GLIPR2: variants seen among roughly 807,000 people sequenced by gnomAD.
The protein encoded by GLIPR2 is GLI pathogenesis related 2.
A neutral mutation model predicts 20.4 loss-of-function variants in GLIPR2; 21 were observed. That is an observed-to-expected ratio of 1.03 (90% CI 0.73 to 1.48). The LOEUF is 1.48. Among genes scored for constraint, GLIPR2 ranks in the 40% most tolerant of loss-of-function variants. The pLI is 0.00. For synonymous variants in GLIPR2, 91 were observed against 80.5 expected (o/e 1.13, Z -0.70); for missense variants, 205 against 200.1 (o/e 1.02, Z -0.15).
intron 1 of GLIPR2, among the ~76,000 whole-genome samples, chr9:36,137,197 G>T (rs947340392): frequency 1.3e-5 from 2 of 152,136 alleles, no homozygotes; most frequent in Admixed American, 1.3e-4. Context: ...TCATCCATTT[G>T]TTGTTCCTTC....
chr9:36,158,060 ACCT>A (rs1239038496), intron 4 of GLIPR2, among the ~76,000 whole-genome samples: 1 of 151,528 alleles, frequency 6.6e-6, no homozygotes, highest in Non-Finnish European at 1.5e-5. Context: ...TGATCCGCCC[ACCT>A]CAACCTCCCA....
chr9:36,154,110 C>A (rs1452050122), intron 4 of GLIPR2, among the ~76,000 whole-genome samples: 1 of 147,060 alleles, frequency 6.8e-6, no homozygotes, highest in African/African-American at 2.5e-5. Context: ...TTCCCCCCCC[C>A]TTTGAGACCG....
intron 4 of GLIPR2, among the ~76,000 whole-genome samples, chr9:36,160,595 G>C (rs914175564): frequency 5.9e-5 from 9 of 152,158 alleles, no homozygotes; most frequent in African/African-American, 9.7e-5. Flanking sequence ...AATGTGCAAG[G>C]GTTCTGAGGT....
At position 36,136,962 on chromosome 9, in the gene GLIPR2, G is replaced by T. The variant is rs562395746; in HGVS notation, c.13+171G>T. On this transcript the variant is annotated intron_variant, in intron 1 of 4. Transcript: ENST00000377960. The surrounding 1 kb of genome is among the most constrained non-coding windows in gnomAD (Gnocchi z 4.3). ...GCGCGGTTTCCGGGGAACCCGGGGG[G>T]AAGGCGAGCCCGAGGGAGGCCCCCG... 2 of 775,602 alleles carry T rather than the reference G, an allele frequency of 2.6e-6. No individual in the cohort carries two copies. The highest frequency in any genetic ancestry group is 6.5e-5 in the South Asian group (1 of 15,472). The allele number at this position is 775,602 out of a possible 1,614,324, so 48.0% of individuals were successfully genotyped here. A position where few individuals can be genotyped will look rare whatever the true frequency, so the allele number is the denominator to read the frequency against.
At position 36,145,440 on chromosome 9, in the gene GLIPR2, G is replaced by A. The variant is rs752375476; in HGVS notation, c.14-2346G>A. On this transcript the variant is annotated intron_variant, in intron 1 of 4. Coordinates refer to ENST00000377960, the MANE Select transcript of GLIPR2 (RefSeq NM_022343.4). ...AAGGCTGCCTCCCTTCCGTATGGGA[G>A]CTCTTTGAGAGCAACACATGGCTGA... is the stretch of plus-strand genomic sequence containing the variant. 1.9e-4 allele frequency among the ~76,000 whole-genome samples: 29 copies of A among 152,344 alleles called. No homozygotes were observed. The South Asian group carries it at 5.4e-3, about 28-fold the overall frequency.
At chr9:36,151,028 C>A (rs568323747) in intron 4 of GLIPR2, 79 bp downstream of exon 4, 10 of 929,984 alleles carry the variant, frequency 1.1e-5, no homozygotes, top group Non-Finnish European at 1.8e-5. Flanking sequence ...GAGGAACCAG[C>A]CCTCTAAAAA....
intron 4 of GLIPR2, among the ~76,000 whole-genome samples, chr9:36,155,040 C>T (rs989054857): frequency 4.6e-5 from 7 of 152,150 alleles, no homozygotes; most frequent in Non-Finnish European, 1.0e-4. Flanking sequence ...TATTAAGAAC[C>T]AAGGGCAAAT....
intron 4 of GLIPR2, among the ~76,000 whole-genome samples, chr9:36,159,056 C>A (rs867702611): frequency 6.6e-6 from 1 of 152,012 alleles, no homozygotes; most frequent in Non-Finnish European, 1.5e-5. Context: ...CAGAGAGAGA[C>A]TCTGTCTCAA....
At position 36,147,812 on chromosome 9, in the gene GLIPR2, C is replaced by T; in HGVS notation, c.40C>T (p.Leu14=). 6.3e-7 allele frequency: 1 copy of T among 1,578,680 alleles called. No homozygotes were observed. The highest frequency in any genetic ancestry group is 8.7e-7 in the Non-Finnish European group (1 of 1,147,756). The stretch of plus-strand genomic sequence containing the variant: ...TTCCAAACAGTTTCATAATGAGGTC[C>T]TGAAGGCCCACAATGAGTACCGGCA... ...SASKQFHNEV[L]KAHNEYRQKH... Residue 14 remains leucine, a synonymous_variant, in exon 2 of 5, where the codon CTG becomes TTG. Coordinates refer to ENST00000377960, the MANE Select transcript of GLIPR2 (RefSeq NM_022343.4).
At position 36,162,416 on chromosome 9, in the gene GLIPR2, C is replaced by T. The variant is rs147180453; in HGVS notation, c.359C>T (p.Ala120Val). ...KNTKKMGVGK[A>V]SASDGSSFVV... ...ACCAAGAAGATGGGCGTGGGGAAGG[C>T]GTCCGCAAGTGACGGGTCCTCCTTT... The change falls in exon 5 of 5, where the codon GCG becomes GTG. Residue 120 changes from alanine to valine, a missense_variant. Coordinates refer to ENST00000377960, the MANE Select transcript of GLIPR2 (RefSeq NM_022343.4). 137 of 1,614,078 alleles carry T rather than the reference C, an allele frequency of 8.5e-5. No homozygotes were observed. Among genetic ancestry groups the T allele is most frequent in the Middle Eastern group, 1.7e-4 (1 of 6,056 alleles).
At chr9:36,154,705 T>C (rs1457507410) in intron 4 of GLIPR2, among the ~76,000 whole-genome samples, 1 of 152,214 alleles carries the variant, frequency 6.6e-6, no homozygotes, top group Non-Finnish European at 1.5e-5. Flanking sequence ...AATTCATCTC[T>C]GAATACCCAT....
rs199769365 is a variant in GLIPR2 at position 36,148,260 on chromosome 9, AC to A, written c.123-286del. Among the ~76,000 whole-genome samples, 1,211 of 150,500 alleles carry A rather than the reference AC, an allele frequency of 8.0e-3. 14 individuals carry two copies. Among genetic ancestry groups the A allele is most frequent in the African/African-American group, 0.026 (1,062 of 41,074 alleles). ...GAGACAACATCTCAAAAAAAAAAAA[AC>A]GTTGGGGGGCCCTGCATGGTTTTGG... On this transcript the variant is annotated intron_variant, in intron 2 of 4. Transcript: ENST00000377960.
At chr9:36,156,311 A>G (rs1825826123) in intron 4 of GLIPR2, among the ~76,000 whole-genome samples, 1 of 148,098 alleles carries the variant, frequency 6.8e-6, no homozygotes, top group African/African-American at 2.5e-5. Context: ...TGCTTGAGTC[A>G]AGGAGTTGGA....
intron 1 of GLIPR2, among the ~76,000 whole-genome samples, chr9:36,147,080 C>T (rs1825360086): frequency 6.6e-6 from 1 of 152,202 alleles, no homozygotes; most frequent in African/African-American, 2.4e-5. Context: ...CACCAGTCTC[C>T]TCTGGAAACA....
intron 4 of GLIPR2, among the ~76,000 whole-genome samples, chr9:36,155,272 CAAAG>C (rs1248289485): frequency 1.3e-5 from 2 of 152,144 alleles, no homozygotes; most frequent in African/African-American, 2.4e-5. Flanking sequence ...TCAATGTAGA[CAAAG>C]AAATAAATTA....
intron 1 of GLIPR2, among the ~76,000 whole-genome samples, chr9:36,138,508 C>T (rs961201088): frequency 6.6e-6 from 1 of 152,156 alleles, no homozygotes; most frequent in African/African-American, 2.4e-5. Context: ...CAGGTGCGCC[C>T]AGCCTAGGCT....
chr9:36,150,551 A>G (rs1825530837), intron 3 of GLIPR2, among the ~76,000 whole-genome samples: 1 of 152,170 alleles, frequency 6.6e-6, no homozygotes, highest in African/African-American at 2.4e-5. Context: ...TTCATTGTAC[A>G]GAGGCCCAGA....
At chr9:36,152,569 G>A (rs1283680879) in intron 4 of GLIPR2, among the ~76,000 whole-genome samples, 3 of 151,662 alleles carry the variant, frequency 2.0e-5, no homozygotes, top group African/African-American at 7.3e-5. Flanking sequence ...GGCCAACATG[G>A]TGAAACCCCG....
chr9:36,163,360 C>G lies in GLIPR2; in HGVS notation c.*838C>G, dbSNP rs967661701. The stretch of plus-strand genomic sequence containing the variant: ...GCCTGGTCTGGGAGACAGCCCCTCA[C>G]CCTGCCTGGGCTCTTGGCCAAGCGG... On this transcript the variant is annotated 3_prime_UTR_variant, in exon 5 of 5. Coordinates refer to ENST00000377960, the MANE Select transcript of GLIPR2 (RefSeq NM_022343.4). 3 of 163,212 alleles carry G rather than the reference C, an allele frequency of 1.8e-5. No homozygotes were observed. The highest frequency in any genetic ancestry group is 7.2e-5 in the African/African-American group (3 of 41,510). The allele number at this position is 163,212 out of a possible 1,614,324, so 10.1% of individuals were successfully genotyped here. A position where few individuals can be genotyped will look rare whatever the true frequency, so the allele number is the denominator to read the frequency against.
Sources: gnomAD v4.1 joint callset for allele counts (sites outside exome capture counted in the v4.1 genomes callset) on GRCh38, gnomAD v4.1.1 for gene constraint, Gnocchi (gnomAD v3.1) non-coding constraint, MANE v1.5 for transcripts, NCBI Gene and HGNC (gene_info 2026-07-23, HGNC 2026-07-21) for gene names.